CIMIP6: variants seen among roughly 807,000 people sequenced by gnomAD.
CIMIP6 encodes ciliary microtubule inner protein 6, also known as uncharacterized protein C2orf73.
the CIMIP6 span, among the ~76,000 whole-genome samples, chr2:54,346,969 G>C: frequency 6.6e-6 from 1 of 152,182 alleles, no homozygotes; most frequent in African/African-American, 2.4e-5. Context: ...CATAATGTGA[G>C]GATTTAGAGA....
the CIMIP6 span, among the ~76,000 whole-genome samples, chr2:54,340,378 A>G: frequency 1.3e-5 from 2 of 152,226 alleles, no homozygotes; most frequent in East Asian, 3.8e-4. Context: ...AGTATGATAC[A>G]AAGGTAAAGA....
the CIMIP6 span, chr2:54,360,246 G>C: frequency 5.6e-6 from 9 of 1,608,510 alleles, no homozygotes; most frequent in African/African-American, 1.1e-4. Flanking sequence ...CCAGGCAGTA[G>C]GCCAACAGTT....
the CIMIP6 span, chr2:54,360,433 G>A: frequency 4.0e-4 from 635 of 1,595,848 alleles, no homozygotes; most frequent in Middle Eastern, 9.9e-4. Flanking sequence ...ACGTCAGACA[G>A]GCAGCCAAGG....
the CIMIP6 span, among the ~76,000 whole-genome samples, chr2:54,361,801 G>C: frequency 2.6e-5 from 4 of 152,162 alleles, no homozygotes; most frequent in Non-Finnish European, 4.4e-5. Flanking sequence ...GAGGTTGTTA[G>C]CATGTTTGGA....
the CIMIP6 span, chr2:54,334,754 A>G: frequency 5.4e-6 from 6 of 1,108,760 alleles, no homozygotes; most frequent in Admixed American, 1.5e-4. Context: ...CTTATTTTAC[A>G]TAATTTTGAC....
At chr2:54,338,241 C>T in the CIMIP6 span, among the ~76,000 whole-genome samples, 1 of 152,054 alleles carries the variant, frequency 6.6e-6, no homozygotes, top group African/African-American at 2.4e-5. Flanking sequence ...TGAAACCTTC[C>T]TGGGCAACAT....
the CIMIP6 span, among the ~76,000 whole-genome samples, chr2:54,349,100 T>C: frequency 6.6e-6 from 1 of 152,268 alleles, no homozygotes; most frequent in Non-Finnish European, 1.5e-5. Context: ...GATATTTCAA[T>C]GTTCTTTTGA....
At chr2:54,351,237 A>G in the CIMIP6 span, among the ~76,000 whole-genome samples, 1 of 152,212 alleles carries the variant, frequency 6.6e-6, no homozygotes, top group Non-Finnish European at 1.5e-5. Flanking sequence ...TGATTTAATT[A>G]TGTTCTGTTT....
At chr2:54,353,764 G>A in the CIMIP6 span, among the ~76,000 whole-genome samples, 3 of 152,212 alleles carry the variant, frequency 2.0e-5, no homozygotes, top group East Asian at 5.8e-4. Flanking sequence ...TACCACTGAT[G>A]TTCTGTCCCA....
the CIMIP6 span, among the ~76,000 whole-genome samples, chr2:54,374,272 C>CT: frequency 2.0e-5 from 3 of 152,136 alleles, no homozygotes; most frequent in African/African-American, 4.8e-5. Context: ...AAATGGAAGT[C>CT]TTTTTTTCTT....
chr2:54,364,250 G>A, the CIMIP6 span, among the ~76,000 whole-genome samples: 14 of 152,192 alleles, frequency 9.2e-5, no homozygotes, highest in Non-Finnish European at 1.3e-4. Flanking sequence ...ATATTTGAAT[G>A]TTTCCAAGTA....
chr2:54,347,451 A>C, the CIMIP6 span, among the ~76,000 whole-genome samples: 1 of 152,232 alleles, frequency 6.6e-6, no homozygotes, highest in Admixed American at 6.5e-5. Flanking sequence ...ACTGGTTAAA[A>C]TATGTATCTA....
the CIMIP6 span, among the ~76,000 whole-genome samples, chr2:54,371,775 G>A: frequency 1.3e-5 from 2 of 152,244 alleles, no homozygotes; most frequent in African/African-American, 4.8e-5. Flanking sequence ...CACAGGAGTG[G>A]TTCCAGGCAT....
chr2:54,371,391 C>G, the CIMIP6 span, among the ~76,000 whole-genome samples: 1 of 152,230 alleles, frequency 6.6e-6, no homozygotes. Context: ...CAGGCCCATC[C>G]TTATTCCACA....
At chr2:54,377,596 A>C in the CIMIP6 span, among the ~76,000 whole-genome samples, 4 of 152,236 alleles carry the variant, frequency 2.6e-5, no homozygotes, top group Non-Finnish European at 5.9e-5. Context: ...GCTACACTGC[A>C]AGATACTACA....
the CIMIP6 span, among the ~76,000 whole-genome samples, chr2:54,350,856 T>G: frequency 6.6e-6 from 1 of 152,230 alleles, no homozygotes; most frequent in East Asian, 1.9e-4. Flanking sequence ...GGTTCACAAT[T>G]AATTACCCTT....
At chr2:54,338,163 G>C in the CIMIP6 span, among the ~76,000 whole-genome samples, 1 of 152,068 alleles carries the variant, frequency 6.6e-6, no homozygotes, top group Non-Finnish European at 1.5e-5. Context: ...GCTGGGCACA[G>C]TGGCTCACAC....
the CIMIP6 span, among the ~76,000 whole-genome samples, chr2:54,358,606 C>A: frequency 6.6e-6 from 1 of 152,054 alleles, no homozygotes; most frequent in South Asian, 2.1e-4. Context: ...GTTCCCCAGG[C>A]TAGTCCTCAA....
the CIMIP6 span, among the ~76,000 whole-genome samples, chr2:54,379,094 G>C: frequency 1.3e-5 from 2 of 152,160 alleles, no homozygotes; most frequent in Non-Finnish European, 1.5e-5. Context: ...AATGATATTA[G>C]ATATCAGCAA....
Sources: gnomAD v4.1 joint callset for allele counts (sites outside exome capture counted in the v4.1 genomes callset) on GRCh38, gnomAD v4.1.1 for gene constraint, MANE v1.5 for transcripts, NCBI Gene and HGNC (gene_info 2026-07-23, HGNC 2026-07-21) for gene names.